Variants in MAGI2 observed in about 807,000 individuals in gnomAD.
The protein encoded by MAGI2 is membrane-associated guanylate kinase, WW and PDZ domain-containing protein 2.
In MAGI2, 35 loss-of-function variants were observed where a neutral mutation model predicts 133.3. That is an observed-to-expected ratio of 0.26 (90% CI 0.20 to 0.35). The LOEUF is 0.35. Ranked by LOEUF, MAGI2 falls within the 10% of genes least tolerant of loss-of-function variation. The pLI, the probability that MAGI2 is intolerant of heterozygous loss-of-function variation, is 1.00. For missense variants in MAGI2, 1,636 were observed against 1,863.4 expected (o/e 0.88, Z 2.25); for synonymous variants, 729 against 710.6 (o/e 1.03, Z -0.41).
At position 78,800,372 on chromosome 7, in the gene MAGI2, G is replaced by T. The variant is rs140233864; in HGVS notation, c.419-173133C>A. 4.0e-3 allele frequency among the ~76,000 whole-genome samples: 615 copies of T among 152,186 alleles called. 2 individuals carry two copies. Among genetic ancestry groups the T allele is most frequent in the Non-Finnish European group, 4.8e-3 (324 of 67,992 alleles). ...TTCAGGGATCCAGGCCTTCCATATT[G>T]TGGCTCCCTTCTCCTCTAAGCCTTT... On this transcript the variant is annotated intron_variant, in intron 2 of 21. Coordinates refer to ENST00000354212, the MANE Select transcript of MAGI2 (RefSeq NM_012301.4).
In MAGI2 at chr7:78,611,687, G is replaced by A. The variant is rs73701638; in HGVS notation, c.538+15433C>T. On this transcript the variant is annotated intron_variant, in intron 3 of 21. Coordinates refer to ENST00000354212, the MANE Select transcript of MAGI2 (RefSeq NM_012301.4). ...AGATAAAACTTCCTACAACACACAC[G>A]TACAGCCTGGGATGCAAACAATTCC... is the stretch of plus-strand genomic sequence containing the variant. Among the ~76,000 whole-genome samples the A allele has an allele frequency of 9.5e-3, 1,450 of 152,264 alleles. 26 individuals are homozygous for A. The highest frequency in any genetic ancestry group is 0.033 in the African/African-American group (1,386 of 41,546).
At chr7:78,448,780 A>G (rs1269482421) in intron 6 of MAGI2, among the ~76,000 whole-genome samples, 3 of 152,060 alleles carry the variant, frequency 2.0e-5, no homozygotes, top group African/African-American at 7.2e-5. Flanking sequence ...TGAAACATAC[A>G]CAGACACCCA....
chr7:78,165,896 A>T (rs1825573230), intron 15 of MAGI2, among the ~76,000 whole-genome samples: 1 of 152,170 alleles, frequency 6.6e-6, no homozygotes, highest in African/African-American at 2.4e-5. Flanking sequence ...AATCTTTTCC[A>T]TCCTATTTCA....
chr7:78,237,224 A>G (rs1364830732), intron 10 of MAGI2, among the ~76,000 whole-genome samples: 1 of 152,184 alleles, frequency 6.6e-6, no homozygotes, highest in African/African-American at 2.4e-5. Context: ...ACAAATAGAT[A>G]TATTCATCCA....
intron 1 of MAGI2, among the ~76,000 whole-genome samples, chr7:79,295,674 A>G (rs2129559225): frequency 6.6e-6 from 1 of 152,082 alleles, no homozygotes; most frequent in East Asian, 1.9e-4. Context: ...GAGGTGGTAG[A>G]GTAGTGCAGC....
At chr7:79,186,096 T>C (rs1171240820) in intron 1 of MAGI2, among the ~76,000 whole-genome samples, 1 of 150,902 alleles carries the variant, frequency 6.6e-6, no homozygotes, top group African/African-American at 2.4e-5. Context: ...TACACATGTG[T>C]AGACATACAA....
intron 2 of MAGI2, among the ~76,000 whole-genome samples, chr7:78,749,765 G>C (rs1004331164): frequency 6.6e-6 from 1 of 152,118 alleles, no homozygotes; most frequent in South Asian, 2.1e-4. Context: ...AGATGATGCT[G>C]GCAGATAGTT....
At chr7:78,584,426 A>G (rs1803182741) in intron 3 of MAGI2, among the ~76,000 whole-genome samples, 1 of 93,070 alleles carries the variant, frequency 1.1e-5, no homozygotes, top group Non-Finnish European at 2.0e-5. Context: ...TCTCAGAAAA[A>G]AAAAAAAAAA....
At chr7:78,965,191 CTAAT>C (rs1385652537) in intron 2 of MAGI2, among the ~76,000 whole-genome samples, 13 of 151,092 alleles carry the variant, frequency 8.6e-5, no homozygotes, top group Non-Finnish European at 1.9e-4. Flanking sequence ...TAATATAAAT[CTAAT>C]TAATGTTATT....
At chr7:79,215,883 G>T (rs1829991319) in intron 1 of MAGI2, among the ~76,000 whole-genome samples, 1 of 151,642 alleles carries the variant, frequency 6.6e-6, no homozygotes, top group African/African-American at 2.4e-5. Context: ...TTACTTTTTG[G>T]TTTACACATT....
chr7:78,654,031 A>G (rs1047044280), intron 2 of MAGI2, among the ~76,000 whole-genome samples: 1 of 152,234 alleles, frequency 6.6e-6, no homozygotes, highest in African/African-American at 2.4e-5. Flanking sequence ...AAGGCAAAAT[A>G]ATAGTATTTT....
chr7:78,750,738 G>T (rs1039870211), intron 2 of MAGI2, among the ~76,000 whole-genome samples: 1 of 152,112 alleles, frequency 6.6e-6, no homozygotes. Context: ...TGAGGCTGGA[G>T]GGCAGGTTTA....
chr7:79,372,619 T>TG (rs1314897889), intron 1 of MAGI2, among the ~76,000 whole-genome samples: 2 of 152,006 alleles, frequency 1.3e-5, no homozygotes, highest in East Asian at 3.9e-4. Flanking sequence ...TTATGGAAGG[T>TG]GATTTTGGAA....
intron 21 of MAGI2, among the ~76,000 whole-genome samples, chr7:78,047,046 A>G (rs1241023620): frequency 7.5e-6 from 1 of 132,510 alleles, no homozygotes; most frequent in South Asian, 2.4e-4. Flanking sequence ...ATTGATCTCT[A>G]TAGAGTCCAA....
At chr7:78,325,441 G>A (rs551945944) in intron 9 of MAGI2, among the ~76,000 whole-genome samples, 1 of 152,280 alleles carries the variant, frequency 6.6e-6, no homozygotes, top group South Asian at 2.1e-4. Context: ...TGAAAGTGAT[G>A]TAATGCCTGC....
intron 2 of MAGI2, among the ~76,000 whole-genome samples, chr7:78,869,156 T>G (rs1271459512): frequency 6.6e-6 from 1 of 152,232 alleles, no homozygotes; most frequent in Non-Finnish European, 1.5e-5. Context: ...GTCAGGTGCA[T>G]AGTTAGAGAA....
chr7:78,999,127 A>G (rs531402030), intron 2 of MAGI2, among the ~76,000 whole-genome samples: 1 of 152,204 alleles, frequency 6.6e-6, no homozygotes, highest in South Asian at 2.1e-4. Flanking sequence ...CCCACAAACC[A>G]ATTTCCTATG....
chr7:78,222,620 C>G (rs1417705419), intron 10 of MAGI2, among the ~76,000 whole-genome samples: 1 of 152,136 alleles, frequency 6.6e-6, no homozygotes, highest in Admixed American at 6.5e-5. Context: ...TTTACTGCCC[C>G]CAAACACAGT....
At chr7:79,373,457 A>G (rs1843183191) in intron 1 of MAGI2, among the ~76,000 whole-genome samples, 1 of 152,012 alleles carries the variant, frequency 6.6e-6, no homozygotes, top group Non-Finnish European at 1.5e-5. Context: ...TGCTAAAAAT[A>G]ATTATGTATA....
Sources: allele counts gnomAD v4.1 joint callset (sites outside exome capture counted in the v4.1 genomes callset), GRCh38; gene constraint gnomAD v4.1.1; transcripts MANE v1.5; gene names NCBI Gene and HGNC (gene_info 2026-07-23, HGNC 2026-07-21).